The following MFSD12 variants were observed in gnomAD, a reference collection of about 807,000 sequenced individuals.
The protein encoded by MFSD12 is major facilitator superfamily domain-containing protein 12.
MFSD12 carries 67 observed loss-of-function variants against 51.2 expected under a neutral mutation model. The ratio of observed to expected loss-of-function variants is 1.31; its 90% CI spans 1.08 to 1.60. The LOEUF (loss-of-function observed/expected upper bound fraction) is 1.60, where lower values mean the gene tolerates loss of function less well. Among genes scored for constraint, MFSD12 ranks in the 40% most tolerant of loss-of-function variants. The pLI is 0.00. For missense variants in MFSD12, 921 were observed against 673.0 expected, an observed-to-expected ratio of 1.37 and a Z score of -4.08; for synonymous variants, 441 against 316.7, an observed-to-expected ratio of 1.39 and a Z score of -4.17.
rs551728419 is a variant in MFSD12 at position 3,548,125 on chromosome 19, G to T, written c.652C>A (p.Arg218=). The T allele has an allele frequency of 6.2e-7, 1 of 1,606,588 alleles. No individual in the cohort carries two copies. The highest frequency in any genetic ancestry group is 2.2e-5 in the East Asian group (1 of 44,810). The change falls in exon 3 of 10, where the codon CGG becomes AGG. Residue 218 remains arginine, a splice_region_variant and synonymous_variant. Transcript: ENST00000355415. The part of the protein sequence containing the change: ...QLGGQDVPVF[R]NLSLLVVGVG... ...GACCCACCCGGACTCCAGCTCACCC[G>T]GAACACGGGCACGTCCTGGCCCCCC...
At position 3,557,399 on chromosome 19, in the gene MFSD12, C is replaced by A. The variant is rs754245828; in HGVS notation, c.5G>T (p.Gly2Val). The change falls in exon 1 of 10, where the codon GGC becomes GTC. Residue 2 changes from glycine to valine, a missense_variant. Coordinates refer to ENST00000355415, the MANE Select transcript of MFSD12 (RefSeq NM_174983.5). Reference sequence around the variant, plus strand: ...CGCTCCGGCCGCTGGGGGTCCCGGGCCCATCGCGGCGCCGGGCCCGCGCCC... The same window carrying A: ...CGCTCCGGCCGCTGGGGGTCCCGGGACCATCGCGGCGCCGGGCCCGCGCCC... MGPGPPAAGAAP... is the reference protein window; with the variant it reads MVPGPPAAGAAP... The A allele has an allele frequency of 5.6e-6, 7 of 1,254,508 alleles. No individual in the cohort carries two copies. The allele number at this position is 1,254,508 out of a possible 1,614,324, so 77.7% of individuals were successfully genotyped here.
chr19:3,549,417 C>T (rs1013850220), intron 2 of MFSD12, among the ~76,000 whole-genome samples: 3 of 152,042 alleles, frequency 2.0e-5, no homozygotes, highest in Non-Finnish European at 4.4e-5. Flanking sequence ...TTGGTCAGCT[C>T]GGGTGTGTCC....
Position 3,557,224 on chromosome 19 carries a change from C to CA in MFSD12, c.179dup (p.Leu61AlafsTer102). ...CGGCCACCTGGCCCAGCAGCAGCAG[C>CA]AGCCCCGCGCCGCGGGAGCTGTAGG... is the stretch of plus-strand genomic sequence containing the variant. On this transcript the variant is annotated frameshift_variant, in exon 1 of 10. Coordinates refer to ENST00000355415, the MANE Select transcript of MFSD12 (RefSeq NM_174983.5). LOFTEE classifies it high-confidence loss of function. 5 of 1,587,798 alleles carry CA rather than the reference C, an allele frequency of 3.1e-6. No homozygotes were observed. The highest frequency in any genetic ancestry group is 3.4e-6 in the Non-Finnish European group (4 of 1,169,286).
At chr19:3,545,067 GCCACTCCCTCCCTCCTGTCCCACACC>G in intron 8 of MFSD12, 128 bp from the exon 9 acceptor site, 2 of 1,265,712 alleles carry the variant, frequency 1.6e-6, no homozygotes, top group Non-Finnish European at 2.1e-6. Context: ...TGGGGGCCCT[GCCACTCCCTCCCTCCTGTCCCACACC>G]CAACAGCTCG....
At chr19:3,550,761 G>C (rs1470804824) in intron 2 of MFSD12, among the ~76,000 whole-genome samples, 1 of 152,052 alleles carries the variant, frequency 6.6e-6, no homozygotes, top group Non-Finnish European at 1.5e-5. Flanking sequence ...GCTGAGGCAA[G>C]AGTATCACTT....
chr19:3,541,187 T>C (rs1216942465), downstream of MFSD12, among the ~76,000 whole-genome samples: 1 of 97,824 alleles, frequency 1.0e-5, no homozygotes, highest in South Asian at 3.6e-4. Flanking sequence ...AAAAAAAAAA[T>C]CAACCAGGCA....
downstream of MFSD12, chr19:3,542,564 C>A: frequency 2.4e-6 from 2 of 824,896 alleles, no homozygotes; most frequent in Non-Finnish European, 2.9e-6. Flanking sequence ...AACTCCACTT[C>A]CTGGGTTCAA....
At chr19:3,550,243 A>G (rs1158732155) in intron 2 of MFSD12, among the ~76,000 whole-genome samples, 1 of 151,878 alleles carries the variant, frequency 6.6e-6, no homozygotes, top group African/African-American at 2.4e-5. Context: ...ACCCCCAGAA[A>G]CTGTGAGAGG....
chr19:3,549,945 G>A (rs1167576555), intron 2 of MFSD12, among the ~76,000 whole-genome samples: 1 of 152,076 alleles, frequency 6.6e-6, no homozygotes, highest in Non-Finnish European at 1.5e-5. Flanking sequence ...TCCTGTCAAG[G>A]GAGACTACGG....
downstream of MFSD12, chr19:3,539,509 G>T (rs778832225): frequency 3.9e-6 from 2 of 506,712 alleles, no homozygotes; most frequent in Non-Finnish European, 3.6e-6. Flanking sequence ...GACTGCAAAC[G>T]CACTGGGAGC....
chr19:3,555,468 G>A (rs72976635), intron 1 of MFSD12, among the ~76,000 whole-genome samples: 8,892 of 152,220 alleles, frequency 0.058, 365 homozygotes, highest in Middle Eastern at 0.12. Context: ...GGCATTTGGG[G>A]CCCTGGGCTC....
At chr19:3,542,785 T>TG, downstream of MFSD12, 1 of 1,368,196 alleles carries the variant, frequency 7.3e-7, no homozygotes, top group Middle Eastern at 2.2e-4. Flanking sequence ...CCTGGCCTAG[T>TG]GGGTCCCCCA....
At chr19:3,540,261 TTTTG>T (rs2030261489), downstream of MFSD12, among the ~76,000 whole-genome samples, 1 of 145,108 alleles carries the variant, frequency 6.9e-6, no homozygotes. Context: ...CCCAGCTAAT[TTTTG>T]TTTTTTTTTT....
rs746795748 is a variant in MFSD12, at chr19:3,550,979, C to G, written c.509+5G>C. 1.2e-6 allele frequency: 2 copies of G among 1,609,722 alleles called. No homozygotes were observed. Among genetic ancestry groups the G allele is most frequent in the East Asian group, 2.2e-5 (1 of 44,802 alleles). On this transcript the variant is annotated splice_donor_5th_base_variant and intron_variant, in intron 2 of 9. Coordinates refer to ENST00000355415, the MANE Select transcript of MFSD12 (RefSeq NM_174983.5). ...GCCCGTGGGGGAGGGTGCCCAGGCT[C>G]CCACCTGAGTGCCGTGAGCTCCACC...
At chr19:3,543,839 G>C, downstream of MFSD12, 13 of 1,534,816 alleles carry the variant, frequency 8.5e-6, no homozygotes, top group East Asian at 2.5e-5. Flanking sequence ...TGCTCAACAG[G>C]AACCGGTACG....
Position 3,557,391 on chromosome 19 carries a change from G to C in MFSD12, c.13C>G (p.Pro5Ala). The change falls in exon 1 of 10, where the codon CCC (proline) becomes GCC (alanine). Residue 5 changes from proline (P) to alanine (A), a missense_variant. Coordinates refer to ENST00000355415, the MANE Select transcript of MFSD12 (RefSeq NM_174983.5). MGPG[P>A]PAAGAAPSPR... ...GACGGCGCCGCTCCGGCCGCTGGGG[G>C]TCCCGGGCCCATCGCGGCGCCGGGC... The C allele has an allele frequency of 1.6e-6, 2 of 1,285,822 alleles. No homozygotes were observed. Among genetic ancestry groups the C allele is most frequent in the Non-Finnish European group, 2.0e-6 (2 of 1,014,900 alleles). 79.7% of individuals were successfully genotyped at this position (1,285,822 alleles called of 1,614,324 possible).
chr19:3,557,156 GC>G lies in MFSD12; in HGVS notation c.247del (p.Ala83ProfsTer54), dbSNP rs1442594976. 2.6e-6 allele frequency: 4 copies of G among 1,520,800 alleles called. No individual in the cohort carries two copies. The highest frequency in any genetic ancestry group is 3.5e-6 in the Non-Finnish European group (4 of 1,136,230). 94.2% of individuals were successfully genotyped at this position (1,520,800 alleles called of 1,614,324 possible). On this transcript the variant is annotated frameshift_variant, in exon 1 of 10. Coordinates refer to ENST00000355415, the MANE Select transcript of MFSD12 (RefSeq NM_174983.5). LOFTEE classifies it high-confidence loss of function. Reference sequence around the variant, plus strand: ...GCCGTAGCGGGCGCAGCAGCTGGCGGCGCGGTCGGCCTCGTAGCCCACGAGC... The same window carrying G: ...GCCGTAGCGGGCGCAGCAGCTGGCGGGCGGTCGGCCTCGTAGCCCACGAGC... ...TPLVGYEADRAASCCARYGPR... is the reference protein window; with the variant it reads ...TPLVGYEADRXASCCARYGPR...
Position 3,544,817 on chromosome 19 carries a change from A to T in MFSD12, c.1412T>A (p.Leu471Gln), listed in dbSNP as rs774048092. The T allele has an allele frequency of 1.2e-6, 2 of 1,612,388 alleles. No homozygotes were observed. The highest frequency in any genetic ancestry group is 1.7e-6 in the Non-Finnish European group (2 of 1,179,448). ...LCSLLLWPTRLRRWDRDARP is the reference protein window; with the variant it reads ...LCSLLLWPTRQRRWDRDARP ...GGTGGGCCAGGACTCACAGCGTCGCAGGCGGGTCGGCCACAGCAGGAGGCT... is the reference window on the plus strand; with the variant it reads ...GGTGGGCCAGGACTCACAGCGTCGCTGGCGGGTCGGCCACAGCAGGAGGCT... Residue 471 changes from leucine (L) to glutamine (Q), a missense_variant, in exon 9 of 10, where the codon CTG becomes CAG. By Grantham distance (113) the Leu-to-Gln change is moderately radical. Coordinates refer to ENST00000355415, the MANE Select transcript of MFSD12 (RefSeq NM_174983.5).
chr19:3,547,730 G>T, intron 4 of MFSD12, 118 bp downstream of exon 4: 2 of 1,288,510 alleles, frequency 1.6e-6, no homozygotes, highest in Non-Finnish European at 2.1e-6. Flanking sequence ...TTTGCCCTGG[G>T]TGTGGGCTGC....
Sources: gnomAD v4.1 joint callset for allele counts (sites outside exome capture counted in the v4.1 genomes callset) on GRCh38, gnomAD v4.1.1 for gene constraint, MANE v1.5 for transcripts, NCBI Gene and HGNC (gene_info 2026-07-23, HGNC 2026-07-21) for gene names.